Variants in TAS2R1 observed in about 807,000 individuals in gnomAD.
The protein encoded by TAS2R1 is taste receptor type 2 member 1.
For missense variants in TAS2R1, 370 were observed against 353.4 expected, an observed-to-expected ratio of 1.05 and a Z score of -0.38; for synonymous variants, 141 against 134.2, an observed-to-expected ratio of 1.05 and a Z score of -0.35.
At chr5:9,888,726 C>T in the TAS2R1 span, among the ~76,000 whole-genome samples, 3 of 152,130 alleles carry the variant, frequency 2.0e-5, no homozygotes, top group East Asian at 3.9e-4. Context: ...AGGATAAATG[C>T]TCCAAAGGAA....
At chr5:9,675,794 C>T (rs149298783) in intron 1 of TAS2R1, among the ~76,000 whole-genome samples, 22 of 152,254 alleles carry the variant, frequency 1.4e-4, no homozygotes, top group African/African-American at 5.1e-4. Flanking sequence ...ATCACGCCAT[C>T]TGCAAACAGA....
At chr5:9,677,008 A>T (rs1740889801) in intron 1 of TAS2R1, among the ~76,000 whole-genome samples, 1 of 152,228 alleles carries the variant, frequency 6.6e-6, no homozygotes, top group African/African-American at 2.4e-5. Context: ...ATCAACCTAA[A>T]TGCCTATCAG....
At chr5:9,783,733 A>T in the TAS2R1 span, among the ~76,000 whole-genome samples, 1 of 152,154 alleles carries the variant, frequency 6.6e-6, no homozygotes, top group Non-Finnish European at 1.5e-5. Flanking sequence ...CTATTTTTTT[A>T]TTATAACAGA....
the TAS2R1 span, chr5:9,883,285 T>C: frequency 6.6e-6 from 1 of 152,184 alleles, no homozygotes; most frequent in African/African-American, 2.4e-5. Context: ...GCTTAATACC[T>C]AGGTGATGGG....
chr5:9,686,266 G>T (rs1170761086), intron 1 of TAS2R1, among the ~76,000 whole-genome samples: 1 of 152,130 alleles, frequency 6.6e-6, no homozygotes, highest in Non-Finnish European at 1.5e-5. Flanking sequence ...TAACATAACT[G>T]TCCTGAATGC....
the TAS2R1 span, among the ~76,000 whole-genome samples, chr5:9,863,467 T>G: frequency 6.6e-6 from 1 of 152,130 alleles, no homozygotes; most frequent in East Asian, 1.9e-4. Flanking sequence ...GGGGTTTCAC[T>G]GTGTTAGCCA....
intron 1 of TAS2R1, among the ~76,000 whole-genome samples, chr5:9,697,565 C>T (rs1346977184): frequency 2.0e-5 from 3 of 152,050 alleles, no homozygotes; most frequent in African/African-American, 7.2e-5. Context: ...AAATAATCTG[C>T]CCCATAAAGA....
At chr5:9,870,731 C>A in the TAS2R1 span, among the ~76,000 whole-genome samples, 1 of 152,090 alleles carries the variant, frequency 6.6e-6, no homozygotes, top group South Asian at 2.1e-4. Context: ...GTAGTCCAAT[C>A]CCCCAGAAAA....
the TAS2R1 span, among the ~76,000 whole-genome samples, chr5:9,837,020 G>C: frequency 2.0e-5 from 3 of 152,124 alleles, no homozygotes; most frequent in African/African-American, 7.2e-5. Context: ...ACACGTGACT[G>C]GTTGGCTGGC....
chr5:9,776,020 G>A, the TAS2R1 span, among the ~76,000 whole-genome samples: 1 of 152,188 alleles, frequency 6.6e-6, no homozygotes, highest in Non-Finnish European at 1.5e-5. Context: ...ACTTGCCCAG[G>A]ATTTGCAGTT....
the TAS2R1 span, among the ~76,000 whole-genome samples, chr5:9,834,553 GA>G: frequency 2.7e-5 from 4 of 150,686 alleles, no homozygotes; most frequent in South Asian, 2.1e-4. Flanking sequence ...TTTGTAGAAT[GA>G]AAAAAAAATA....
intron 2 of TAS2R1, chr5:9,658,403 T>C (rs948107577): frequency 2.6e-5 from 4 of 152,306 alleles, no homozygotes; most frequent in East Asian, 3.9e-4. Flanking sequence ...TAACCATGAT[T>C]CTTATACTTT....
At chr5:9,830,922 A>C in the TAS2R1 span, among the ~76,000 whole-genome samples, 1 of 152,118 alleles carries the variant, frequency 6.6e-6, no homozygotes, top group African/African-American at 2.4e-5. Context: ...GCCTCTGTTG[A>C]CTCAGAGGCT....
the TAS2R1 span, among the ~76,000 whole-genome samples, chr5:9,856,439 T>C: frequency 6.6e-6 from 1 of 152,150 alleles, no homozygotes; most frequent in Non-Finnish European, 1.5e-5. Context: ...CATAAACTCC[T>C]CTCTCACATC....
chr5:9,670,431 A>C (rs969652960), intron 1 of TAS2R1, among the ~76,000 whole-genome samples: 3 of 152,166 alleles, frequency 2.0e-5, no homozygotes, highest in Admixed American at 1.3e-4. Context: ...ACAAATGCTG[A>C]GCTGTTTCTG....
At chr5:9,734,496 C>T in the TAS2R1 span, among the ~76,000 whole-genome samples, 1 of 145,586 alleles carries the variant, frequency 6.9e-6, no homozygotes, top group Non-Finnish European at 1.5e-5. Context: ...CTGAAAGAAA[C>T]TGTACAAGAG....
the TAS2R1 span, among the ~76,000 whole-genome samples, chr5:9,741,070 TC>T: frequency 2.0e-5 from 3 of 152,174 alleles, no homozygotes; most frequent in Non-Finnish European, 4.4e-5. Flanking sequence ...ATTTCTCTCT[TC>T]CCATGCCATT....
At position 9,629,981 on chromosome 5, in the gene TAS2R1, G is replaced by A; in HGVS notation, c.52C>T (p.Leu18Phe). 6.2e-7 allele frequency: 1 copy of A among 1,600,082 alleles called. No homozygotes were observed. The highest frequency in any genetic ancestry group is 8.5e-7 in the Non-Finnish European group (1 of 1,175,334). Residue 18 changes from leucine to phenylalanine, a missense_variant, in exon 1 of 1, where the codon CTT (leucine) becomes TTT (phenylalanine). Coordinates refer to ENST00000382492, the MANE Select transcript of TAS2R1 (RefSeq NM_019599.3). ...ATGCCATTTGTGAAAATCCCAAGAA[G>A]AAATTGTATCACTGCAAGAAGAAAA... The part of the protein sequence containing the change: ...IYFLLAVIQF[L>F]LGIFTNGIIV...
At chr5:9,730,661 G>A in the TAS2R1 span, among the ~76,000 whole-genome samples, 1 of 152,132 alleles carries the variant, frequency 6.6e-6, no homozygotes. Flanking sequence ...TGGGGCAGGT[G>A]CACCACCCCA....
Sources: gnomAD v4.1 joint callset for allele counts (sites outside exome capture counted in the v4.1 genomes callset) on GRCh38, gnomAD v4.1.1 for gene constraint, MANE v1.5 for transcripts, NCBI Gene and HGNC (gene_info 2026-07-23, HGNC 2026-07-21) for gene names.